CEP70: variants seen among roughly 807,000 people sequenced by gnomAD.
The protein encoded by CEP70 is centrosomal protein of 70 kDa.
A neutral mutation model predicts 90.9 loss-of-function variants in CEP70; 70 were observed. The observed-to-expected ratio is 0.77, with a 90% CI of 0.64 to 0.94. CEP70 has a LOEUF of 0.94. Ranked by LOEUF, CEP70 falls within the 40% of genes least tolerant of loss-of-function variation. CEP70 has a pLI of 0.00. For synonymous variants in CEP70, 220 were observed against 228.3 expected (o/e 0.96, Z 0.33); for missense variants, 648 against 669.0 (o/e 0.97, Z 0.35).
Position 138,498,078 on chromosome 3 carries a change from A to C in CEP70, c.1685T>G (p.Phe562Cys). ...IIYKLEEHEEFFPAFQAFTND... is the reference protein window; with the variant it reads ...IIYKLEEHEECFPAFQAFTND... ...AGTAAATGCCTGAAATGCTGGGAAAAATTCCTCGTGTTCTTCCAATTTGTA... is the reference window on the plus strand; with the variant it reads ...AGTAAATGCCTGAAATGCTGGGAAACATTCCTCGTGTTCTTCCAATTTGTA... The change falls in exon 17 of 18, where the codon TTT becomes TGT. Residue 562 changes from phenylalanine to cysteine, a missense_variant. Physicochemically the swap from Phe to Cys is radical, Grantham distance 205. Transcript: ENST00000264982. The C allele has an allele frequency of 6.2e-7, 1 of 1,613,444 alleles. No individual in the cohort carries two copies. Among genetic ancestry groups the C allele is most frequent in the Non-Finnish European group, 8.5e-7 (1 of 1,179,750 alleles).
At chr3:138,585,911 C>A (rs1156938177) in intron 2 of CEP70, among the ~76,000 whole-genome samples, 1 of 152,110 alleles carries the variant, frequency 6.6e-6, no homozygotes, top group Non-Finnish European at 1.5e-5. Context: ...AATCTAAGCC[C>A]TCAAACTATG....
At chr3:138,495,141 C>T in intron 17 of CEP70, 65 bp from the exon 18 acceptor site, 5 of 976,212 alleles carry the variant, frequency 5.1e-6, no homozygotes, top group Non-Finnish European at 6.4e-6. Flanking sequence ...TCACATGAAA[C>T]AAGAACCTAT....
At chr3:138,523,321 G>A (rs2087474791) in intron 11 of CEP70, among the ~76,000 whole-genome samples, 1 of 152,172 alleles carries the variant, frequency 6.6e-6, no homozygotes. Context: ...GCACAAGACA[G>A]GGATGCCCTC....
intron 11 of CEP70, among the ~76,000 whole-genome samples, chr3:138,520,232 T>C (rs2036482294): frequency 6.6e-6 from 1 of 152,088 alleles, no homozygotes. Flanking sequence ...ACAATAATAA[T>C]GGGAGACTTT....
intron 11 of CEP70, 98 bp from the exon 12 acceptor site, chr3:138,508,642 GC>G: frequency 1.3e-6 from 1 of 762,350 alleles, no homozygotes. Context: ...CCTCCCAACA[GC>G]CTTATATCAC....
Position 138,500,112 on chromosome 3 carries a change from C to A in CEP70, c.1650G>T (p.Gln550His). 6.3e-7 allele frequency: 1 copy of A among 1,597,068 alleles called. No individual in the cohort carries two copies. Among genetic ancestry groups the A allele is most frequent in the Non-Finnish European group, 8.6e-7 (1 of 1,164,852 alleles). The change falls in exon 16 of 18, where the codon CAG (glutamine) becomes CAT (histidine). Residue 550 changes from glutamine (Q) to histidine (H), a missense_variant and splice_region_variant. Physicochemically the swap from Gln to His is conservative, Grantham distance 24 (BLOSUM62 0). Transcript: ENST00000264982. ...TTGTAAACTTTTAAAACAAATACCTCTGGAGGTCTTCAGGTCCTAATACCT... is the reference window on the plus strand; with the variant it reads ...TTGTAAACTTTTAAAACAAATACCTATGGAGGTCTTCAGGTCCTAATACCT... ...VMQVLGPEDL[Q>H]SIIYKLEEHE...
chr3:138,592,894 G>T (rs1281526547), intron 1 of CEP70: 1 of 152,150 alleles, frequency 6.6e-6, no homozygotes, highest in Non-Finnish European at 1.5e-5. Flanking sequence ...CCCTTTCGAA[G>T]TCTCTATTCC....
intron 6 of CEP70, among the ~76,000 whole-genome samples, chr3:138,553,461 CAGAG>C (rs1465790756): frequency 6.7e-6 from 1 of 149,160 alleles, no homozygotes; most frequent in Non-Finnish European, 1.5e-5. Flanking sequence ...GCCTTGGCGA[CAGAG>C]AGAGACTCCA....
chr3:138,500,726 AG>A lies in CEP70; in HGVS notation c.1368+8del. ...AACATTAGAAGGTGACCGTTCATGTAGGTATTACCTTTTCCTTATTTTCAAC... is the reference window on the plus strand; with the variant it reads ...AACATTAGAAGGTGACCGTTCATGTAGTATTACCTTTTCCTTATTTTCAAC... On this transcript the variant is annotated splice_region_variant and intron_variant, in intron 14 of 17. Transcript: ENST00000264982. The A allele has an allele frequency of 1.3e-6, 2 of 1,579,446 alleles. No homozygotes were observed. The highest frequency in any genetic ancestry group is 1.7e-6 in the Non-Finnish European group (2 of 1,165,836).
At chr3:138,541,437 A>C (rs1345381435) in intron 6 of CEP70, among the ~76,000 whole-genome samples, 1 of 151,856 alleles carries the variant, frequency 6.6e-6, no homozygotes, top group Admixed American at 6.6e-5. Context: ...AAAGAAAAAA[A>C]AAAACCTGTC....
chr3:138,557,187 G>A (rs1245062307), intron 6 of CEP70, among the ~76,000 whole-genome samples: 3 of 152,194 alleles, frequency 2.0e-5, no homozygotes, highest in African/African-American at 7.2e-5. Context: ...GAGAAATATG[G>A]CTCTGTTCCG....
intron 6 of CEP70, among the ~76,000 whole-genome samples, chr3:138,551,751 A>G (rs1386255440): frequency 7.5e-6 from 1 of 132,660 alleles, no homozygotes; most frequent in Non-Finnish European, 1.6e-5. Flanking sequence ...CATCTAAAAA[A>G]AAAAAAATAA....
intron 2 of CEP70, among the ~76,000 whole-genome samples, chr3:138,581,826 C>T (rs140827732): frequency 7.6e-4 from 115 of 151,096 alleles, no homozygotes; most frequent in African/African-American, 2.8e-3. Context: ...CTGTAGAAAA[C>T]TAAGCCGATT....
intron 11 of CEP70, among the ~76,000 whole-genome samples, chr3:138,509,001 G>C (rs995136964): frequency 6.6e-6 from 1 of 152,086 alleles, no homozygotes; most frequent in Non-Finnish European, 1.5e-5. Context: ...CCAAAGTGTT[G>C]GGATTACAGG....
chr3:138,573,811 T>C (rs1000382923), intron 2 of CEP70, among the ~76,000 whole-genome samples: 1 of 152,240 alleles, frequency 6.6e-6, no homozygotes, highest in African/African-American at 2.4e-5. Context: ...AGGTGGACAC[T>C]GGTAAAGGTA....
At chr3:138,517,452 G>A (rs1202614310) in intron 11 of CEP70, among the ~76,000 whole-genome samples, 1 of 147,906 alleles carries the variant, frequency 6.8e-6, no homozygotes, top group Non-Finnish European at 1.5e-5. Context: ...GGTGGATCAC[G>A]AGGTCAGGAG....
rs1045533901 is a variant in CEP70, at chr3:138,496,919, AAT to A, written c.1732+1110_1732+1111del. 6.6e-5 allele frequency: 65 copies of A among 986,180 alleles called. No homozygotes were observed. The African/African-American group carries it at 9.1e-4, about 14-fold the overall frequency. The allele number at this position is 986,180 out of a possible 1,614,324, so 61.1% of individuals were successfully genotyped here. On this transcript the variant is annotated intron_variant, in intron 17 of 17. Transcript: ENST00000264982. ...AAGTGTTACCAGCACACCCTATTAA[AAT>A]ATGTTTATTAATGTGCCAAATATTT...
chr3:138,513,807 T>G (rs896078716), intron 11 of CEP70, among the ~76,000 whole-genome samples: 1 of 152,216 alleles, frequency 6.6e-6, no homozygotes, highest in Non-Finnish European at 1.5e-5. Context: ...GTTTATCTTA[T>G]AGGGACAGAC....
intron 2 of CEP70, among the ~76,000 whole-genome samples, chr3:138,575,681 A>G (rs1576910644): frequency 6.6e-6 from 1 of 152,232 alleles, no homozygotes; most frequent in Non-Finnish European, 1.5e-5. Flanking sequence ...GAAGGAAAAA[A>G]TGTTAAGGGC....
Sources: allele counts gnomAD v4.1 joint callset (sites outside exome capture counted in the v4.1 genomes callset), GRCh38; gene constraint gnomAD v4.1.1; transcripts MANE v1.5; gene names NCBI Gene and HGNC (gene_info 2026-07-23, HGNC 2026-07-21).